The following FGF12 variants were observed in gnomAD, a reference collection of about 807,000 sequenced individuals.
The protein encoded by FGF12 is fibroblast growth factor 12B.
In FGF12, 14 loss-of-function variants were observed where a neutral mutation model predicts 23.6. The observed-to-expected ratio is 0.59, with a 90% CI of 0.39 to 0.93. FGF12 has a LOEUF of 0.93. Among genes scored for constraint, FGF12 ranks in the 40% least tolerant of loss-of-function variants. The pLI, the probability that FGF12 is intolerant of heterozygous loss-of-function variation, is 0.00. For synonymous variants in FGF12, 62 were observed against 77.3 expected (o/e 0.80, Z 1.04); for missense variants, 175 against 217.8 (o/e 0.80, Z 1.24).
Position 192,408,829 on chromosome 3 carries a change from C to G in FGF12, c.14-48291G>C. The G allele has an allele frequency of 1.0e-6, 1 of 985,652 alleles. No individual in the cohort carries two copies. Among genetic ancestry groups the G allele is most frequent in the Non-Finnish European group, 1.2e-6 (1 of 830,102 alleles). The allele number at this position is 985,652 out of a possible 1,614,324, so 61.1% of individuals were successfully genotyped here. A position where few individuals can be genotyped will look rare whatever the true frequency, so the allele number is the denominator to read the frequency against. On this transcript the variant is annotated intron_variant, in intron 2 of 5. Coordinates refer to ENST00000445105, the MANE Select transcript of FGF12 (RefSeq NM_004113.6). The surrounding 1 kb of genome is among the most constrained non-coding windows in gnomAD (Gnocchi z 7.3). The stretch of plus-strand genomic sequence containing the variant: ...GAAGGAGAGGAAGGCAGCAATTTAA[C>G]TCCCTGCGGCCCGCGGTTCTGAAGA...
At chr3:192,694,192 A>T (rs1294094290) in intron 2 of FGF12, among the ~76,000 whole-genome samples, 1 of 152,184 alleles carries the variant, frequency 6.6e-6, no homozygotes, top group African/African-American at 2.4e-5. Flanking sequence ...CTACGATGAG[A>T]TATCACCTCA....
intron 4 of FGF12, among the ~76,000 whole-genome samples, chr3:192,296,807 A>G (rs1715067550): frequency 6.6e-6 from 1 of 152,176 alleles, no homozygotes; most frequent in Non-Finnish European, 1.5e-5. Flanking sequence ...TAAGGTCCAA[A>G]CTTTAGATTT....
chr3:192,364,158 C>G (rs1718866619), intron 2 of FGF12, among the ~76,000 whole-genome samples: 1 of 152,256 alleles, frequency 6.6e-6, no homozygotes, highest in Middle Eastern at 3.4e-3. Context: ...ATGATGCAGC[C>G]TGGTATAGAC....
chr3:192,269,822 T>C (rs1342490453), intron 4 of FGF12, among the ~76,000 whole-genome samples: 1 of 152,206 alleles, frequency 6.6e-6, no homozygotes, highest in Non-Finnish European at 1.5e-5. Context: ...CTACAAAGAA[T>C]ATCTTCAGAC....
At chr3:192,488,178 A>G (rs905340644) in intron 2 of FGF12, among the ~76,000 whole-genome samples, 7 of 152,114 alleles carry the variant, frequency 4.6e-5, no homozygotes, top group African/African-American at 1.7e-4. Flanking sequence ...TCAGAATAAT[A>G]AAATTCTTCA....
At chr3:192,566,286 T>G (rs1334102900) in intron 2 of FGF12, among the ~76,000 whole-genome samples, 2 of 152,200 alleles carry the variant, frequency 1.3e-5, no homozygotes, top group African/African-American at 4.8e-5. Context: ...CAATCACTGC[T>G]CTGTACTCTT....
At chr3:192,628,525 ATATATATATAC>A (rs1715265877) in intron 2 of FGF12, among the ~76,000 whole-genome samples, 1 of 150,654 alleles carries the variant, frequency 6.6e-6, no homozygotes, top group Non-Finnish European at 1.5e-5. Flanking sequence ...GTGTGTGTAT[ATATATATATAC>A]TATTTTTCAT....
intron 2 of FGF12, among the ~76,000 whole-genome samples, chr3:192,590,514 A>G (rs1713571417): frequency 6.6e-6 from 1 of 151,996 alleles, no homozygotes; most frequent in Non-Finnish European, 1.5e-5. Flanking sequence ...TTTTCAGCAG[A>G]ACAAATAAAT....
At chr3:192,568,637 T>C (rs1247533791) in intron 2 of FGF12, among the ~76,000 whole-genome samples, 1 of 152,206 alleles carries the variant, frequency 6.6e-6, no homozygotes, top group East Asian at 1.9e-4. Context: ...CTTATCTCCC[T>C]CATTAGTTTT....
At chr3:192,147,446 A>G (rs914041503) in intron 5 of FGF12, among the ~76,000 whole-genome samples, 2 of 152,220 alleles carry the variant, frequency 1.3e-5, no homozygotes, top group Non-Finnish European at 2.9e-5. Context: ...TTCTGAATGT[A>G]CATGGTAAAT....
chr3:192,350,050 A>G (rs1014609401), intron 3 of FGF12, among the ~76,000 whole-genome samples: 4 of 152,138 alleles, frequency 2.6e-5, no homozygotes, highest in African/African-American at 9.7e-5. Context: ...TGCTACTATC[A>G]ATGAACTTAT....
intron 4 of FGF12, among the ~76,000 whole-genome samples, chr3:192,175,416 A>AC (rs1226747907): frequency 4.6e-5 from 7 of 151,954 alleles, no homozygotes. Context: ...AAATAGAAAC[A>AC]CCCCCGTGTT....
intron 2 of FGF12, among the ~76,000 whole-genome samples, chr3:192,398,939 A>C (rs1720642489): frequency 6.6e-6 from 1 of 152,102 alleles, no homozygotes; most frequent in Non-Finnish European, 1.5e-5. Flanking sequence ...TCATTGATTT[A>C]ACAGCAACTG....
At chr3:192,335,763 T>C (rs1344985006) in intron 3 of FGF12, among the ~76,000 whole-genome samples, 1 of 152,054 alleles carries the variant, frequency 6.6e-6, no homozygotes, top group Non-Finnish European at 1.5e-5. Context: ...AAAATGATCC[T>C]CAAACAGTGT....
intron 2 of FGF12, among the ~76,000 whole-genome samples, chr3:192,432,168 C>T (rs568561118): frequency 2.6e-4 from 39 of 152,254 alleles, no homozygotes; most frequent in Non-Finnish European, 3.4e-4. Context: ...GTCCTAAGTA[C>T]TAACAAAGAT....
intron 2 of FGF12, among the ~76,000 whole-genome samples, chr3:192,629,959 GCCC>G (rs1715321195): frequency 6.6e-6 from 1 of 152,160 alleles, no homozygotes; most frequent in African/African-American, 2.4e-5. Context: ...ATGAGCTCCG[GCCC>G]AAATCGCATG....
At chr3:192,278,571 T>G (rs1326575537) in intron 4 of FGF12, among the ~76,000 whole-genome samples, 1 of 152,148 alleles carries the variant, frequency 6.6e-6, no homozygotes, top group South Asian at 2.1e-4. Context: ...AGAATAGATG[T>G]GGGCCACATG....
rs988385376 is a variant in FGF12 at position 192,532,165 on chromosome 3, A to G, written c.14-171627T>C. 2.6e-5 allele frequency among the ~76,000 whole-genome samples: 4 copies of G among 152,212 alleles called. No individual in the cohort carries two copies. In the East Asian group the frequency reaches 7.7e-4, roughly 29 times the overall value. On this transcript the variant is annotated intron_variant, in intron 2 of 5. Coordinates refer to ENST00000445105, the MANE Select transcript of FGF12 (RefSeq NM_004113.6). Reference sequence around the variant, plus strand: ...TTGGTAACTATAGTCTTGTAGTATAATTTGAAGTTGGGCAAGGTGATGCCT... The same window carrying G: ...TTGGTAACTATAGTCTTGTAGTATAGTTTGAAGTTGGGCAAGGTGATGCCT...
At chr3:192,476,395 A>G (rs1723326008) in intron 2 of FGF12, among the ~76,000 whole-genome samples, 1 of 152,214 alleles carries the variant, frequency 6.6e-6, no homozygotes, top group Non-Finnish European at 1.5e-5. Flanking sequence ...GTTTGAGTCT[A>G]AAGCCTGACT....
Sources: allele counts gnomAD v4.1 joint callset (sites outside exome capture counted in the v4.1 genomes callset), GRCh38; gene constraint gnomAD v4.1.1; non-coding constraint Gnocchi (gnomAD v3.1); transcripts MANE v1.5; gene names NCBI Gene and HGNC (gene_info 2026-07-23, HGNC 2026-07-21).